Variants in IKZF2 observed in about 807,000 individuals in gnomAD.
IKZF2 encodes the protein zinc finger protein Helios.
In IKZF2, 15 loss-of-function variants were observed where a neutral mutation model predicts 49.2. That is an observed-to-expected ratio of 0.30 (90% CI 0.20 to 0.47). The LOEUF (loss-of-function observed/expected upper bound fraction) is 0.47. Among genes scored for constraint, IKZF2 ranks in the 20% least tolerant of loss-of-function variants. The pLI is 1.00. For synonymous variants in IKZF2, 227 were observed against 221.4 expected (o/e 1.03, Z -0.23); for missense variants, 567 against 664.6 (o/e 0.85, Z 1.61).
chr2:213,108,685 G>A (rs957222511), intron 4 of IKZF2, among the ~76,000 whole-genome samples: 5 of 151,940 alleles, frequency 3.3e-5, no homozygotes, highest in African/African-American at 9.7e-5. Context: ...TTTAAAAGAA[G>A]GTACATATAT....
At chr2:213,145,257 T>G (rs978519420) in intron 4 of IKZF2, among the ~76,000 whole-genome samples, 3 of 151,832 alleles carry the variant, frequency 2.0e-5, no homozygotes, top group Non-Finnish European at 4.4e-5. Flanking sequence ...ATTCCCATCC[T>G]CTCCTTCCTG....
At chr2:213,064,876 A>G (rs1461466044) in intron 4 of IKZF2, among the ~76,000 whole-genome samples, 1 of 151,990 alleles carries the variant, frequency 6.6e-6, no homozygotes, top group African/African-American at 2.4e-5. Context: ...CAATTCATCT[A>G]TATTCAGTTG....
chr2:213,025,086 G>A (rs1469052315), intron 6 of IKZF2, among the ~76,000 whole-genome samples: 1 of 151,876 alleles, frequency 6.6e-6, no homozygotes, highest in Non-Finnish European at 1.5e-5. Flanking sequence ...AAATCCATAG[G>A]CTTTTATTAA....
intron 7 of IKZF2, among the ~76,000 whole-genome samples, chr2:213,016,391 G>C (rs13428445): frequency 0.039 from 5,968 of 152,172 alleles, 395 homozygotes; most frequent in African/African-American, 0.14. Flanking sequence ...GAGGTATTTT[G>C]AGCATTGACT....
At chr2:213,116,217 A>C (rs923295200) in intron 4 of IKZF2, among the ~76,000 whole-genome samples, 1 of 152,242 alleles carries the variant, frequency 6.6e-6, no homozygotes, top group Admixed American at 6.5e-5. Context: ...GCTGTTAATA[A>C]TTATAATGTA....
chr2:213,102,239 C>G (rs1043024128), intron 4 of IKZF2, among the ~76,000 whole-genome samples: 1 of 152,058 alleles, frequency 6.6e-6, no homozygotes, highest in Admixed American at 6.6e-5. Flanking sequence ...ACTTTCTGTA[C>G]CCGGGAAAAC....
intron 4 of IKZF2, among the ~76,000 whole-genome samples, chr2:213,078,893 C>T (rs779448495): frequency 6.6e-6 from 1 of 152,182 alleles, no homozygotes; most frequent in African/African-American, 2.4e-5. Context: ...TGTTTCCAAA[C>T]CTATGAGAAA....
intron 7 of IKZF2, chr2:213,015,176 T>A (rs1418320842): frequency 1.3e-5 from 2 of 152,066 alleles, no homozygotes; most frequent in African/African-American, 4.8e-5. Flanking sequence ...AAACATAGTG[T>A]GAAAAAATGT....
intron 8 of IKZF2, among the ~76,000 whole-genome samples, 154 bp downstream of exon 8, chr2:213,013,637 C>G (rs1027108706): frequency 6.6e-6 from 1 of 151,744 alleles, no homozygotes; most frequent in East Asian, 1.9e-4. Context: ...GTGGTGTACA[C>G]AGAATGTCAG....
At chr2:213,114,692 G>A (rs1205185535) in intron 4 of IKZF2, among the ~76,000 whole-genome samples, 1 of 152,124 alleles carries the variant, frequency 6.6e-6, no homozygotes, top group Non-Finnish European at 1.5e-5. Flanking sequence ...CCAGCACTTT[G>A]GGAGGGCAAC....
chr2:213,104,261 CAAA>C (rs75972033), intron 4 of IKZF2, among the ~76,000 whole-genome samples: 3 of 78,178 alleles, frequency 3.8e-5, no homozygotes, highest in Non-Finnish European at 6.2e-5. Flanking sequence ...TTCTAACGGA[CAAA>C]AAAAAAAAAA....
At chr2:213,081,096 G>A (rs1450240508) in intron 4 of IKZF2, 1 of 154,744 alleles carries the variant, frequency 6.5e-6, no homozygotes, top group Non-Finnish European at 1.5e-5. Flanking sequence ...AGGAAGATGA[G>A]TAAGGCCCAT....
In IKZF2 at chr2:213,013,367, G is replaced by A. The variant is rs931113361; in HGVS notation, c.856+424C>T. Among the ~76,000 whole-genome samples the A allele has an allele frequency of 1.0e-4, 15 of 150,490 alleles. 1 individual carries two copies. Among genetic ancestry groups the A allele is most frequent in the African/African-American group, 3.2e-4 (13 of 41,094 alleles). ...TATAAATAACTCCCACATGCTTAGC[G>A]TTCCAATAATGGGACACTAGGCATA... On this transcript the variant is annotated intron_variant, in intron 8 of 8. Transcript: ENST00000434687.
intron 4 of IKZF2, among the ~76,000 whole-genome samples, chr2:213,139,076 T>A (rs2060778805): frequency 6.6e-6 from 1 of 151,922 alleles, no homozygotes; most frequent in African/African-American, 2.4e-5. Context: ...CTTCATAAAG[T>A]TAGGCTATAA....
intron 4 of IKZF2, among the ~76,000 whole-genome samples, chr2:213,083,214 G>T (rs949310705): frequency 1.3e-5 from 2 of 151,936 alleles, no homozygotes; most frequent in Non-Finnish European, 2.9e-5. Context: ...CTAGTGCCAG[G>T]CATCCCCAAA....
At chr2:213,122,697 A>G (rs1171819845) in intron 4 of IKZF2, among the ~76,000 whole-genome samples, 1 of 152,206 alleles carries the variant, frequency 6.6e-6, no homozygotes, top group Non-Finnish European at 1.5e-5. Flanking sequence ...TTTATATCCA[A>G]TCATTTCTCA....
intron 4 of IKZF2, among the ~76,000 whole-genome samples, chr2:213,130,565 T>C (rs1432405628): frequency 3.3e-5 from 5 of 152,196 alleles, no homozygotes; most frequent in African/African-American, 1.2e-4. Context: ...TACTAGTAGC[T>C]GAAAGTATTT....
intron 4 of IKZF2, among the ~76,000 whole-genome samples, chr2:213,110,967 TTAGA>T (rs2059686927): frequency 6.6e-6 from 1 of 152,032 alleles, no homozygotes; most frequent in Non-Finnish European, 1.5e-5. Flanking sequence ...CAAATTTCTA[TTAGA>T]TACTTACTGT....
At chr2:213,138,305 A>C (rs1483100472) in intron 4 of IKZF2, among the ~76,000 whole-genome samples, 1 of 152,088 alleles carries the variant, frequency 6.6e-6, no homozygotes, top group Non-Finnish European at 1.5e-5. Flanking sequence ...GGTTGTATAG[A>C]ATCAGAAAAC....
Sources: allele counts gnomAD v4.1 joint callset (sites outside exome capture counted in the v4.1 genomes callset), GRCh38; gene constraint gnomAD v4.1.1; transcripts MANE v1.5; gene names NCBI Gene and HGNC (gene_info 2026-07-23, HGNC 2026-07-21).